KCNT1: variants seen among roughly 807,000 people sequenced by gnomAD.
KCNT1 encodes the protein potassium channel subfamily T member 1.
KCNT1 carries 78 observed loss-of-function variants against 147.8 expected under a neutral mutation model. The ratio of observed to expected loss-of-function variants is 0.53; its 90% CI spans 0.44 to 0.64. The LOEUF (loss-of-function observed/expected upper bound fraction) is 0.64. Among genes scored for constraint, KCNT1 ranks in the 30% least tolerant of loss-of-function variants. The pLI is 0.00. For missense variants in KCNT1, 1,419 were observed against 1,750.3 expected, an observed-to-expected ratio of 0.81 and a Z score of 3.38; for synonymous variants, 867 against 748.8, an observed-to-expected ratio of 1.16 and a Z score of -2.58.
chr9:135,772,367 C>T (rs144391018), intron 18 of KCNT1, among the ~76,000 whole-genome samples: 1 of 152,176 alleles, frequency 6.6e-6, no homozygotes. Flanking sequence ...ATCCACCAGG[C>T]AGCCTGACCA....
At position 135,786,216 on chromosome 9, in the gene KCNT1, T is replaced by TG; in HGVS notation, c.3199dup (p.Glu1067GlyfsTer4). 1 of 1,572,388 alleles carries TG rather than the reference T, an allele frequency of 6.4e-7. No homozygotes were observed. The highest frequency in any genetic ancestry group is 8.7e-7 in the Non-Finnish European group (1 of 1,151,286). On this transcript the variant is annotated frameshift_variant, in exon 29 of 31. Coordinates refer to ENST00000371757, the MANE Select transcript of KCNT1 (RefSeq NM_020822.3). LOFTEE classifies it high-confidence loss of function. ...GCCCAGTCCCAGATCTCGGTGAACG[T>TG]GGAGGACTGTGAGGACACACGGGAA...
In KCNT1 at chr9:135,771,053, G is replaced by A. The variant is rs1832721615; in HGVS notation, c.1966G>A (p.Gly656Ser). The A allele has an allele frequency of 6.2e-7, 1 of 1,612,270 alleles. No homozygotes were observed. The highest frequency in any genetic ancestry group is 8.5e-7 in the Non-Finnish European group (1 of 1,179,416). The change falls in exon 18 of 31, where the codon GGT (glycine) becomes AGT (serine). Residue 656 changes from glycine to serine, a missense_variant. Around this residue, in one of 5 missense-constraint regions of KCNT1, gnomAD observed 284 missense variants for 292.8 expected, o/e 0.97. Transcript: ENST00000371757. ...RAFSGQGLHE[G>S]PARLPVHSII... Reference sequence around the variant, plus strand: ...CTTCTCGGGGCAGGGGCTGCACGAGGGTCCGGCCCGCCTGCCCGTGCACAG... The same window carrying A: ...CTTCTCGGGGCAGGGGCTGCACGAGAGTCCGGCCCGCCTGCCCGTGCACAG...
intron 21 of KCNT1, 110 bp downstream of exon 21, chr9:135,777,620 T>C (rs1458094990): frequency 3.0e-6 from 3 of 996,672 alleles, no homozygotes; most frequent in Admixed American, 5.2e-5. Context: ...CACGGGAACA[T>C]GGGGCCTCTG....
At chr9:135,756,969 C>A (rs755004685) in intron 7 of KCNT1, 37 bp downstream of exon 7, 63 of 701,634 alleles carry the variant, frequency 9.0e-5, no homozygotes, top group Non-Finnish European at 1.2e-4. Context: ...CACAGGGGGT[C>A]CCCACCCTCC....
Position 135,702,185 on chromosome 9 carries a change from A to C in KCNT1, c.-74A>C. 2 of 1,124,318 alleles carry C rather than the reference A, an allele frequency of 1.8e-6. No individual in the cohort carries two copies. The highest frequency in any genetic ancestry group is 1.3e-5 in the South Asian group (1 of 77,104). 69.6% of individuals were successfully genotyped at this position (1,124,318 alleles called of 1,614,324 possible). On this transcript the variant is annotated 5_prime_UTR_variant, in exon 1 of 31. Transcript: ENST00000371757. ...TGCGAGGAAAAAAAAAATGTTTTTC[A>C]GGGCAACGCGAGGGAAGAAGGTGGC... is the stretch of plus-strand genomic sequence containing the variant.
intron 29 of KCNT1, chr9:135,788,032 C>T (rs2131588950): frequency 4.7e-6 from 6 of 1,273,698 alleles, no homozygotes; most frequent in Middle Eastern, 1.9e-4. Context: ...GCCGGCCGCC[C>T]GCACCTCGCT....
At chr9:135,725,432 G>A (rs1836094743) in intron 2 of KCNT1, among the ~76,000 whole-genome samples, 2 of 152,242 alleles carry the variant, frequency 1.3e-5, no homozygotes, top group Admixed American at 6.5e-5. Flanking sequence ...AAGAAGCCAC[G>A]CCGGGACAGA....
At chr9:135,712,155 G>A (rs1308483167) in intron 1 of KCNT1, among the ~76,000 whole-genome samples, 5 of 152,138 alleles carry the variant, frequency 3.3e-5, no homozygotes, top group Non-Finnish European at 5.9e-5. Context: ...GGGCTGCCCC[G>A]GCCTTGTCTA....
rs2131328258 is a variant in KCNT1 at position 135,714,205 on chromosome 9, G to A, written c.111-372G>A. On this transcript the variant is annotated intron_variant, in intron 1 of 30. Transcript: ENST00000371757. The surrounding 1 kb of genome is among the most constrained non-coding windows in gnomAD (Gnocchi z 6.2). ...GGGAGGGGTTGCAGGGGTGTGGCGGGGCTTCAGAGCAGGGGGAGGGCCTCC... is the reference window on the plus strand; with the variant it reads ...GGGAGGGGTTGCAGGGGTGTGGCGGAGCTTCAGAGCAGGGGGAGGGCCTCC... Among the ~76,000 whole-genome samples the A allele has an allele frequency of 6.6e-6, 1 of 151,974 alleles. No individual in the cohort carries two copies. The highest frequency in any genetic ancestry group is 2.4e-5 in the African/African-American group (1 of 41,496).
intron 3 of KCNT1, chr9:135,750,703 C>T (rs1341677939): frequency 5.2e-6 from 3 of 581,578 alleles, no homozygotes; most frequent in East Asian, 5.7e-5. Context: ...TCTAGAAATC[C>T]CCTGCACCCC....
At chr9:135,716,754 G>C (rs913534665) in intron 2 of KCNT1, among the ~76,000 whole-genome samples, 1 of 152,146 alleles carries the variant, frequency 6.6e-6, no homozygotes, top group African/African-American at 2.4e-5. Flanking sequence ...CGTGGCTGTG[G>C]GTCCTCTCCA....
At chr9:135,726,760 CCTCT>C (rs1231324508) in intron 2 of KCNT1, among the ~76,000 whole-genome samples, 20 of 98,430 alleles carry the variant, frequency 2.0e-4, no homozygotes, top group African/African-American at 7.7e-5. Context: ...TCCCTCTCTC[CCTCT>C]CTCTCTCTTC....
intron 16 of KCNT1, 110 bp from the exon 17 acceptor site, chr9:135,770,188 G>GAGGGGATCCATGCC: frequency 7.0e-7 from 1 of 1,418,692 alleles, no homozygotes; most frequent in Non-Finnish European, 9.6e-7. Context: ...CCTGCATAGG[G>GAGGGGATCCATGCC]AGGGGATCCA....
chr9:135,766,446 T>G (rs958738384), intron 13 of KCNT1, among the ~76,000 whole-genome samples: 3 of 150,904 alleles, frequency 2.0e-5, no homozygotes, highest in African/African-American at 7.3e-5. Flanking sequence ...GTTGGTCCTC[T>G]GGGGTAGATC....
At chr9:135,742,656 A>G (rs1830625259) in intron 2 of KCNT1, 1 of 692,558 alleles carries the variant, frequency 1.4e-6, no homozygotes, top group African/African-American at 1.8e-5. Flanking sequence ...CCCAGAGCCC[A>G]GGCTCTCCAT....
chr9:135,753,205 T>C (rs912193550), intron 4 of KCNT1, among the ~76,000 whole-genome samples: 1 of 152,134 alleles, frequency 6.6e-6, no homozygotes, highest in Non-Finnish European at 1.5e-5. Context: ...GATACTTCTG[T>C]GGGCACTTAG....
In KCNT1 at chr9:135,785,460, G is replaced by A. The variant is rs1032263069; in HGVS notation, c.3177+130G>A. ...CCCTGGGAAAGCCGAGGCAGGAGCGGGTCCCACGGATGTGTCGGCCCCAGC... is the reference window on the plus strand; with the variant it reads ...CCCTGGGAAAGCCGAGGCAGGAGCGAGTCCCACGGATGTGTCGGCCCCAGC... On this transcript the variant is annotated intron_variant, in intron 28 of 30. Transcript: ENST00000371757. 6 of 1,177,110 alleles carry A rather than the reference G, an allele frequency of 5.1e-6. No individual in the cohort carries two copies. The African/African-American group carries it at 6.3e-5, about 12-fold the overall frequency. 72.9% of individuals were successfully genotyped at this position (1,177,110 alleles called of 1,614,324 possible).
chr9:135,784,386 G>A (rs1833850128), intron 25 of KCNT1, 149 bp from the exon 26 acceptor site: 6 of 671,490 alleles, frequency 8.9e-6, no homozygotes. Context: ...TGGGGACCTG[G>A]TGGTTCTGTG....
chr9:135,753,918 G>A lies in KCNT1; in HGVS notation c.435-19G>A. 3 of 1,613,828 alleles carry A rather than the reference G, an allele frequency of 1.9e-6. No individual in the cohort carries two copies. Among genetic ancestry groups the A allele is most frequent in the East Asian group, 2.2e-5 (1 of 44,874 alleles). On this transcript the variant is annotated intron_variant, in intron 4 of 30. Transcript: ENST00000371757. ...TGCTAGAGGGGCCAGGGCCGGGCCA[G>A]CGCTGTGTCTCTCCACAGCTGGGGC... is the stretch of plus-strand genomic sequence containing the variant.
Sources: allele counts gnomAD v4.1 joint callset (sites outside exome capture counted in the v4.1 genomes callset), GRCh38; gene constraint gnomAD v4.1.1; regional missense constraint gnomAD v4.1.1; non-coding constraint Gnocchi (gnomAD v3.1); transcripts MANE v1.5; gene names NCBI Gene and HGNC (gene_info 2026-07-23, HGNC 2026-07-21).